The following KDM7A variants were observed in gnomAD, a reference collection of about 807,000 sequenced individuals.
The protein encoded by KDM7A is lysine-specific demethylase 7A.
KDM7A carries 28 observed loss-of-function variants against 114.8 expected under a neutral mutation model. That is an observed-to-expected ratio of 0.24 (90% CI 0.18 to 0.33). KDM7A has a LOEUF of 0.33. KDM7A is among the 10% of genes least tolerant of loss of function. The pLI, the probability that KDM7A is intolerant of heterozygous loss-of-function variation, is 1.00. For synonymous variants in KDM7A, 423 were observed against 397.8 expected (o/e 1.06, Z -0.75); for missense variants, 942 against 1,142.5 (o/e 0.82, Z 2.53).
At chr7:140,164,867 C>G (rs752352629) in intron 1 of KDM7A, among the ~76,000 whole-genome samples, 1 of 152,138 alleles carries the variant, frequency 6.6e-6, no homozygotes, top group South Asian at 2.1e-4. Context: ...CCTGGAAGCA[C>G]AGGATACTAT....
In KDM7A at chr7:140,102,077, T is replaced by C. The variant is rs1162437877; in HGVS notation, c.1512A>G (p.Pro504=). The C allele has an allele frequency of 2.5e-6, 4 of 1,613,796 alleles. No homozygotes were observed. The highest frequency in any genetic ancestry group is 2.2e-5 in the East Asian group (1 of 44,874). The part of the protein sequence containing the change: ...VSRSSNEATS[P]YHSRRKMRKL... ...TCCTCATCTTTCTTCGGGAATGGTATGGGGAAGTTGCTTCATTTGAGGATC... is the reference window on the plus strand; with the variant it reads ...TCCTCATCTTTCTTCGGGAATGGTACGGGGAAGTTGCTTCATTTGAGGATC... The change falls in exon 12 of 20, where the codon CCA becomes CCG. Residue 504 remains proline, a synonymous_variant. Coordinates refer to ENST00000397560, the MANE Select transcript of KDM7A (RefSeq NM_030647.2).
chr7:140,166,943 ACAAACAATAACCAACAG>A (rs939580770), intron 1 of KDM7A, among the ~76,000 whole-genome samples: 15 of 152,326 alleles, frequency 9.8e-5, no homozygotes, highest in African/African-American at 2.2e-4. Flanking sequence ...CATTTAAAAA[ACAAACAATAACCAACAG>A]CAAACAATAA....
chr7:140,091,704 G>A, intron 19 of KDM7A, 100 bp downstream of exon 19: 2 of 1,280,440 alleles, frequency 1.6e-6, no homozygotes, highest in Non-Finnish European at 2.2e-6. Flanking sequence ...CTATGCATGA[G>A]ATGTTGAACA....
At chr7:140,120,811 T>C (rs1422722561) in intron 7 of KDM7A, among the ~76,000 whole-genome samples, 1 of 152,226 alleles carries the variant, frequency 6.6e-6, no homozygotes, top group African/African-American at 2.4e-5. Context: ...CTCACTTTGT[T>C]GCCCAGGCTG....
At chr7:140,144,588 T>A (rs535039942) in intron 1 of KDM7A, among the ~76,000 whole-genome samples, 1 of 151,818 alleles carries the variant, frequency 6.6e-6, no homozygotes, top group African/African-American at 2.4e-5. Context: ...GGTAGAGAGG[T>A]ATGAGGAAAG....
chr7:140,148,002 G>A (rs978823153), intron 1 of KDM7A, among the ~76,000 whole-genome samples: 1 of 152,072 alleles, frequency 6.6e-6, no homozygotes, highest in East Asian at 1.9e-4. Context: ...AGTAAGCAAT[G>A]GCACAGTAAA....
At chr7:140,157,361 T>A (rs1204281155) in intron 1 of KDM7A, among the ~76,000 whole-genome samples, 1 of 152,172 alleles carries the variant, frequency 6.6e-6, no homozygotes, top group Non-Finnish European at 1.5e-5. Context: ...CACCATTATG[T>A]GAAAACACTG....
At chr7:140,158,260 T>G (rs1320816642) in intron 1 of KDM7A, among the ~76,000 whole-genome samples, 1 of 152,176 alleles carries the variant, frequency 6.6e-6, no homozygotes, top group Admixed American at 6.5e-5. Flanking sequence ...AAAGCACCAC[T>G]CTGGCTTCTG....
At chr7:140,103,345 G>C (rs952195726) in intron 11 of KDM7A, among the ~76,000 whole-genome samples, 1 of 151,666 alleles carries the variant, frequency 6.6e-6, no homozygotes, top group African/African-American at 2.4e-5. Flanking sequence ...TTAAGTTCTA[G>C]GGTACATGTG....
intron 13 of KDM7A, 93 bp downstream of exon 13, chr7:140,099,806 T>C: frequency 8.2e-7 from 1 of 1,212,542 alleles, no homozygotes; most frequent in Non-Finnish European, 1.2e-6. Context: ...AACCGGTCCC[T>C]GGTGCCAGAA....
At chr7:140,100,689 CATATATAT>C (rs1392915165) in intron 12 of KDM7A, among the ~76,000 whole-genome samples, 15 of 53,996 alleles carry the variant, frequency 2.8e-4, no homozygotes, top group Non-Finnish European at 4.4e-4. Context: ...TACATATATA[CATATATAT>C]ATATATATAT....
rs796201947 is a variant in KDM7A, at chr7:140,089,160, T to C, written c.*1934A>G. 5.3e-5 allele frequency: 8 copies of C among 152,286 alleles called. No homozygotes were observed. Among genetic ancestry groups the C allele is most frequent in the African/African-American group, 1.9e-4 (8 of 41,570 alleles). The allele number at this position is 152,286 out of a possible 1,614,324, so 9.4% of individuals were successfully genotyped here. On this transcript the variant is annotated 3_prime_UTR_variant, in exon 20 of 20. Transcript: ENST00000397560. ...TTTTGACATCCTGAGATAAGATGAC[T>C]CTACCCATCTTTCCACTGGTTTTGG... is the stretch of plus-strand genomic sequence containing the variant.
chr7:140,157,239 T>C (rs1057249488), intron 1 of KDM7A, among the ~76,000 whole-genome samples: 1 of 152,246 alleles, frequency 6.6e-6, no homozygotes, highest in Admixed American at 6.5e-5. Flanking sequence ...TATGTGACAG[T>C]TCTAAAGACA....
intron 11 of KDM7A, among the ~76,000 whole-genome samples, chr7:140,108,883 G>A (rs1818387743): frequency 6.6e-6 from 1 of 152,206 alleles, no homozygotes; most frequent in South Asian, 2.1e-4. Context: ...AGTCTACAGA[G>A]GCAGGCAGGC....
chr7:140,139,743 G>A (rs536471281), intron 1 of KDM7A, among the ~76,000 whole-genome samples: 79 of 152,190 alleles, frequency 5.2e-4, no homozygotes, highest in Middle Eastern at 3.4e-3. Context: ...TAAAAAACAC[G>A]TAATACAGCA....
At chr7:140,170,354 G>A (rs1008026334) in intron 1 of KDM7A, among the ~76,000 whole-genome samples, 1 of 152,158 alleles carries the variant, frequency 6.6e-6, no homozygotes, top group African/African-American at 2.4e-5. Context: ...TCAGAACCCT[G>A]CCTCAACTGT....
At position 140,090,481 on chromosome 7, in the gene KDM7A, TATAAA is replaced by T. The variant is rs1205425703; in HGVS notation, c.*608_*612del. The T allele has an allele frequency of 2.0e-5, 3 of 152,198 alleles. No homozygotes were observed. Among genetic ancestry groups the T allele is most frequent in the African/African-American group, 4.8e-5 (2 of 41,442 alleles). 9.4% of individuals were successfully genotyped at this position (152,198 alleles called of 1,614,324 possible). On this transcript the variant is annotated 3_prime_UTR_variant, in exon 20 of 20. Coordinates refer to ENST00000397560, the MANE Select transcript of KDM7A (RefSeq NM_030647.2). ...TAGCTTATAAAAAACACATGAAATA[TATAAA>T]ATAAAATGATTTTCATATACATCTT...
chr7:140,094,668 C>T (rs974063900), intron 17 of KDM7A: 2 of 153,268 alleles, frequency 1.3e-5, no homozygotes, highest in Non-Finnish European at 1.5e-5. Context: ...TTTTGATTCT[C>T]TCAAAGACTG....
intron 1 of KDM7A, among the ~76,000 whole-genome samples, chr7:140,169,301 G>C (rs1016330536): frequency 1.3e-5 from 2 of 152,134 alleles, no homozygotes. Context: ...GCTGTTCAAA[G>C]GCTGCACAAA....
Sources: gnomAD v4.1 joint callset for allele counts (sites outside exome capture counted in the v4.1 genomes callset) on GRCh38, gnomAD v4.1.1 for gene constraint, MANE v1.5 for transcripts, NCBI Gene and HGNC (gene_info 2026-07-23, HGNC 2026-07-21) for gene names.